MAP2K6: variants seen among roughly 807,000 people sequenced by gnomAD.
MAP2K6 encodes the protein dual specificity mitogen-activated protein kinase kinase 6.
A neutral mutation model predicts 53.7 loss-of-function variants in MAP2K6; 16 were observed. The ratio of observed to expected loss-of-function variants is 0.30; its 90% CI spans 0.20 to 0.45. MAP2K6 has a LOEUF of 0.45. MAP2K6 is among the 20% of genes least tolerant of loss of function. The pLI, the probability that MAP2K6 is intolerant of heterozygous loss-of-function variation, is 1.00. For missense variants in MAP2K6, 204 were observed against 411.9 expected (o/e 0.50, Z 4.37); for synonymous variants, 132 against 143.1 (o/e 0.92, Z 0.55).
intron 1 of MAP2K6, among the ~76,000 whole-genome samples, chr17:69,427,846 A>G (rs796728236): frequency 2.6e-5 from 4 of 152,224 alleles, no homozygotes; most frequent in African/African-American, 9.6e-5. Context: ...GAGGAAAACA[A>G]TGCAGATTTA....
chr17:69,448,414 A>G (rs986880606), intron 1 of MAP2K6, among the ~76,000 whole-genome samples: 2 of 151,992 alleles, frequency 1.3e-5, no homozygotes, highest in African/African-American at 4.8e-5. Flanking sequence ...TCTGCAGTGC[A>G]TGGAGAGTCC....
At chr17:69,471,041 A>G (rs993191646) in intron 1 of MAP2K6, among the ~76,000 whole-genome samples, 1 of 152,252 alleles carries the variant, frequency 6.6e-6, no homozygotes, top group Admixed American at 6.5e-5. Flanking sequence ...AGAGCTCAGT[A>G]TATGTTTTTC....
chr17:69,500,345 C>T (rs953481183), intron 1 of MAP2K6, among the ~76,000 whole-genome samples: 2 of 147,616 alleles, frequency 1.4e-5, no homozygotes, highest in Non-Finnish European at 3.0e-5. Flanking sequence ...ACTCGGGAGG[C>T]TGAGGGCCAT....
rs908083322 is a variant in MAP2K6, at chr17:69,548,853, A to G, written c.*7100A>G. The stretch of plus-strand genomic sequence containing the variant: ...TGAAATCAAGGCTTTAGTGGAAGGT[A>G]ATCTTTTCAGTTTCTGACCCAGATT... On this transcript the variant is annotated 3_prime_UTR_variant, in exon 12 of 12. Transcript: ENST00000590474. The G allele has an allele frequency of 6.6e-6, 1 of 152,204 alleles. No individual in the cohort carries two copies. The highest frequency in any genetic ancestry group is 2.4e-5 in the African/African-American group (1 of 41,466). The allele number at this position is 152,204 out of a possible 1,614,324, so 9.4% of individuals were successfully genotyped here.
At chr17:69,533,410 A>G (rs1245349760) in intron 10 of MAP2K6, among the ~76,000 whole-genome samples, 1 of 152,226 alleles carries the variant, frequency 6.6e-6, no homozygotes, top group Non-Finnish European at 1.5e-5. Context: ...TCTGCTAAAT[A>G]TAAGGTAAAA....
intron 10 of MAP2K6, among the ~76,000 whole-genome samples, chr17:69,529,131 G>A (rs1363987218): frequency 1.3e-5 from 2 of 152,102 alleles, no homozygotes; most frequent in African/African-American, 4.8e-5. Context: ...CTCAACTGTG[G>A]CTGCTCATTT....
At chr17:69,451,976 G>A (rs573511609) in intron 1 of MAP2K6, among the ~76,000 whole-genome samples, 1 of 152,230 alleles carries the variant, frequency 6.6e-6, no homozygotes, top group Admixed American at 6.5e-5. Context: ...GCTGTTGGGA[G>A]TGTACTGTAA....
intron 1 of MAP2K6, among the ~76,000 whole-genome samples, chr17:69,460,779 T>C (rs1264566880): frequency 1.3e-5 from 2 of 152,092 alleles, no homozygotes; most frequent in Admixed American, 1.3e-4. Context: ...TTTGGTGTTT[T>C]TGTAGAGAGG....
At chr17:69,496,177 G>A (rs1388138156) in intron 1 of MAP2K6, among the ~76,000 whole-genome samples, 4 of 151,852 alleles carry the variant, frequency 2.6e-5, no homozygotes, top group African/African-American at 9.7e-5. Context: ...ATTAGCGGAT[G>A]GACAGGCTGG....
At chr17:69,457,272 C>G (rs556805032) in intron 1 of MAP2K6, among the ~76,000 whole-genome samples, 4 of 152,222 alleles carry the variant, frequency 2.6e-5, no homozygotes, top group Non-Finnish European at 2.9e-5. Flanking sequence ...AGGACTCCCA[C>G]GCCAGCACCA....
At chr17:69,441,670 G>A (rs1327901480) in intron 1 of MAP2K6, among the ~76,000 whole-genome samples, 1 of 152,140 alleles carries the variant, frequency 6.6e-6, no homozygotes, top group Non-Finnish European at 1.5e-5. Flanking sequence ...AGTGACTTTT[G>A]ATTGAAATCT....
intron 2 of MAP2K6, among the ~76,000 whole-genome samples, chr17:69,513,371 C>T (rs1909969989): frequency 6.6e-6 from 1 of 152,202 alleles, no homozygotes; most frequent in Non-Finnish European, 1.5e-5. Flanking sequence ...CTTCCTCTTT[C>T]TCCTCCTTAA....
At chr17:69,455,865 T>G (rs532468134) in intron 1 of MAP2K6, among the ~76,000 whole-genome samples, 12,811 of 146,182 alleles carry the variant, frequency 0.088, 714 homozygotes, top group South Asian at 0.14. Flanking sequence ...TTTTTTTTTT[T>G]TTTTTTTTTT....
chr17:69,474,535 T>A (rs944081921), intron 1 of MAP2K6, among the ~76,000 whole-genome samples: 1 of 152,208 alleles, frequency 6.6e-6, no homozygotes, highest in African/African-American at 2.4e-5. Flanking sequence ...CACATGCTTT[T>A]TAATGCTCCC....
rs1312116870 is a variant in MAP2K6 at position 69,550,061 on chromosome 17, A to G, written c.*8308A>G. ...TTTCCTATGGGAAAACCCATCAAAAAGCCAAACCTTTATTGTTATTTTTCC... is the reference window on the plus strand; with the variant it reads ...TTTCCTATGGGAAAACCCATCAAAAGGCCAAACCTTTATTGTTATTTTTCC... On this transcript the variant is annotated 3_prime_UTR_variant, in exon 12 of 12. Transcript: ENST00000590474. The G allele has an allele frequency of 6.6e-6, 1 of 152,174 alleles. No individual in the cohort carries two copies. The highest frequency in any genetic ancestry group is 1.5e-5 in the Non-Finnish European group (1 of 68,024). The allele number at this position is 152,174 out of a possible 1,614,324, so 9.4% of individuals were successfully genotyped here.
intron 1 of MAP2K6, among the ~76,000 whole-genome samples, chr17:69,419,489 G>GA (rs1369617897): frequency 6.6e-6 from 1 of 152,012 alleles, no homozygotes; most frequent in Non-Finnish European, 1.5e-5. Context: ...ATAACAATTT[G>GA]AAAAAATCTT....
rs562920750 is a variant in MAP2K6, at chr17:69,427,122, TG to T, written c.16+12124del. Among the ~76,000 whole-genome samples the T allele has an allele frequency of 5.9e-5, 9 of 152,248 alleles. No individual in the cohort carries two copies. The South Asian group carries it at 1.9e-3, about 31-fold the overall frequency. ...GGGTCAGGGAATATTTTCCAGAGCT[TG>T]GCCACGGCTGTAATTTTCATTTTTT... is the stretch of plus-strand genomic sequence containing the variant. On this transcript the variant is annotated intron_variant, in intron 1 of 11. Coordinates refer to ENST00000590474, the MANE Select transcript of MAP2K6 (RefSeq NM_002758.4).
At chr17:69,510,113 T>C (rs1246884122) in intron 2 of MAP2K6, among the ~76,000 whole-genome samples, 3 of 152,194 alleles carry the variant, frequency 2.0e-5, no homozygotes, top group Non-Finnish European at 4.4e-5. Context: ...CCCAAAGTGC[T>C]GGGATTACAG....
chr17:69,541,654 G>GT, intron 11 of MAP2K6, 22 bp from the exon 12 acceptor site: 4 of 1,581,066 alleles, frequency 2.5e-6, no homozygotes, highest in Non-Finnish European at 1.7e-6. Flanking sequence ...TTAATACCAT[G>GT]TTTTTTCTTT....
Sources: allele counts gnomAD v4.1 joint callset (sites outside exome capture counted in the v4.1 genomes callset), GRCh38; gene constraint gnomAD v4.1.1; transcripts MANE v1.5; gene names NCBI Gene and HGNC (gene_info 2026-07-23, HGNC 2026-07-21).